CCDC60: variants seen among roughly 807,000 people sequenced by gnomAD.
CCDC60 encodes coiled-coil domain-containing protein 60.
A neutral mutation model predicts 63.5 loss-of-function variants in CCDC60; 54 were observed. The observed-to-expected ratio is 0.85, with a 90% CI of 0.68 to 1.07. The LOEUF is 1.07. Among genes scored for constraint, CCDC60 ranks in the 50% least tolerant of loss-of-function variants. The pLI is 0.00. For missense variants in CCDC60, 651 were observed against 684.3 expected (o/e 0.95, Z 0.54); for synonymous variants, 206 against 238.8 (o/e 0.86, Z 1.27).
At chr12:119,343,685 T>C (rs1317829299) in intron 1 of CCDC60, among the ~76,000 whole-genome samples, 1 of 148,816 alleles carries the variant, frequency 6.7e-6, no homozygotes, top group African/African-American at 2.5e-5. Context: ...TATATATATA[T>C]GTATATATAA....
chr12:119,527,999 G>T (rs1197999678), intron 11 of CCDC60, among the ~76,000 whole-genome samples: 1 of 151,864 alleles, frequency 6.6e-6, no homozygotes, highest in Admixed American at 6.6e-5. Flanking sequence ...ATGACCCAAA[G>T]GATAAAATTC....
At chr12:119,523,598 G>A in intron 10 of CCDC60, 95 bp from the exon 11 acceptor site, 2 of 1,552,638 alleles carry the variant, frequency 1.3e-6, no homozygotes, top group East Asian at 2.3e-5. Context: ...CCCATGCAGA[G>A]CACCTTGGGG....
intron 1 of CCDC60, among the ~76,000 whole-genome samples, chr12:119,349,376 C>T (rs1026044682): frequency 7.1e-6 from 1 of 139,910 alleles, no homozygotes; most frequent in Non-Finnish European, 1.5e-5. Context: ...GACAGAGTCT[C>T]TCTCTGTTGC....
At chr12:119,336,099 TG>T (rs1184635346) in intron 1 of CCDC60, among the ~76,000 whole-genome samples, 2 of 56,046 alleles carry the variant, frequency 3.6e-5, no homozygotes, top group African/African-American at 1.5e-4. Flanking sequence ...TGTTGTGGGG[TG>T]GGGGGAGGGG....
At chr12:119,483,784 T>C (rs1360660576) in intron 4 of CCDC60, among the ~76,000 whole-genome samples, 2 of 152,242 alleles carry the variant, frequency 1.3e-5, no homozygotes, top group African/African-American at 4.8e-5. Flanking sequence ...AGGCTTTGTG[T>C]AACCCTGTTC....
chr12:119,434,710 A>G (rs768539977), intron 2 of CCDC60, among the ~76,000 whole-genome samples: 6 of 152,216 alleles, frequency 3.9e-5, no homozygotes, highest in Non-Finnish European at 8.8e-5. Context: ...AGAGAACAAT[A>G]AATGAATGGG....
chr12:119,436,410 G>T (rs1272896018), intron 2 of CCDC60, among the ~76,000 whole-genome samples: 1 of 152,066 alleles, frequency 6.6e-6, no homozygotes, highest in Non-Finnish European at 1.5e-5. Context: ...GGAGCCAGAG[G>T]TTCCAGGGAA....
intron 1 of CCDC60, among the ~76,000 whole-genome samples, chr12:119,363,423 C>CTGTGTGTGTGTGTGTGTGTGTGTGTGTG (rs5801335): frequency 6.6e-6 from 1 of 150,554 alleles, no homozygotes; most frequent in African/African-American, 2.4e-5. Flanking sequence ...TATGAGTCCT[C>CTGTGTGTGTGTGTGTGTGTGTGTGTGTG]TGTGTGTGTG....
rs79184800 is a variant in CCDC60 at position 119,440,663 on chromosome 12, G to A, written c.170+11901G>A. Among the ~76,000 whole-genome samples the A allele has an allele frequency of 7.5e-3, 1,140 of 152,250 alleles. 8 individuals carry two copies. Among genetic ancestry groups the A allele is most frequent in the Non-Finnish European group, 0.011 (770 of 68,024 alleles). On this transcript the variant is annotated intron_variant, in intron 2 of 13. Coordinates refer to ENST00000327554, the MANE Select transcript of CCDC60 (RefSeq NM_178499.5). ...GGAAGTTTGTGTGCAGGGGTTTACC[G>A]GGAAGTAGTCTCAGGATCGACACCT...
intron 2 of CCDC60, among the ~76,000 whole-genome samples, chr12:119,441,885 ATACT>A (rs1405207822): frequency 6.6e-6 from 1 of 152,186 alleles, no homozygotes; most frequent in African/African-American, 2.4e-5. Flanking sequence ...ACATATGTAC[ATACT>A]TCTTTTCAGA....
chr12:119,383,795 A>G (rs960605824), intron 1 of CCDC60, among the ~76,000 whole-genome samples: 6 of 152,144 alleles, frequency 3.9e-5, no homozygotes, highest in Non-Finnish European at 8.8e-5. Context: ...AACACAAGAG[A>G]CCTTCAAGAG....
At chr12:119,396,888 G>A (rs1956265451) in intron 1 of CCDC60, among the ~76,000 whole-genome samples, 1 of 152,216 alleles carries the variant, frequency 6.6e-6, no homozygotes, top group African/African-American at 2.4e-5. Flanking sequence ...CAAGAATGAA[G>A]TCACGGACCC....
intron 1 of CCDC60, among the ~76,000 whole-genome samples, chr12:119,336,234 T>TA (rs1955469701): frequency 6.7e-6 from 1 of 150,044 alleles, no homozygotes. Context: ...CCCTAAAACT[T>TA]AAAGTATAAT....
At chr12:119,414,469 G>T (rs951589803) in intron 1 of CCDC60, among the ~76,000 whole-genome samples, 1 of 152,220 alleles carries the variant, frequency 6.6e-6, no homozygotes, top group African/African-American at 2.4e-5. Context: ...CCAGTTCAAA[G>T]GATGGGAAGA....
At chr12:119,519,754 C>T (rs888593409) in intron 8 of CCDC60, among the ~76,000 whole-genome samples, 1 of 151,870 alleles carries the variant, frequency 6.6e-6, no homozygotes, top group Non-Finnish European at 1.5e-5. Context: ...TGAACCATGA[C>T]GCCTGGCCAG....
chr12:119,371,169 A>G (rs1246278947), intron 1 of CCDC60, among the ~76,000 whole-genome samples: 1 of 152,182 alleles, frequency 6.6e-6, no homozygotes, highest in Non-Finnish European at 1.5e-5. Flanking sequence ...TCATTAAACC[A>G]CCATCACTGG....
chr12:119,500,504 C>T (rs893003046), intron 6 of CCDC60, among the ~76,000 whole-genome samples: 1 of 151,582 alleles, frequency 6.6e-6, no homozygotes, highest in Non-Finnish European at 1.5e-5. Context: ...CTCCTTCTCC[C>T]TCCCTCCCTC....
chr12:119,505,268 C>T lies in CCDC60; in HGVS notation c.848C>T (p.Ser283Phe), dbSNP rs1231708762. 1.2e-6 allele frequency: 2 copies of T among 1,612,154 alleles called. No homozygotes were observed. The highest frequency in any genetic ancestry group is 1.1e-5 in the South Asian group (1 of 91,076). The change falls in exon 7 of 14, where the codon TCT becomes TTT. Residue 283 changes from serine to phenylalanine, a missense_variant. Ser to Phe is a radical substitution (Grantham distance 155, BLOSUM62 -2). Transcript: ENST00000327554. ...AAGGACATTGAGGACAATGAGTCAT[C>T]TTCAACCAAGCCAGATGAAGAACCT... The part of the protein sequence containing the change: ...SSKDIEDNES[S>F]STKPDEEPLY...
chr12:119,463,046 A>C (rs1950888096), intron 2 of CCDC60, among the ~76,000 whole-genome samples: 1 of 151,792 alleles, frequency 6.6e-6, no homozygotes, highest in African/African-American at 2.4e-5. Flanking sequence ...CTGGTCTCGA[A>C]CTCCTGACCT....
Sources: gnomAD v4.1 joint callset for allele counts (sites outside exome capture counted in the v4.1 genomes callset) on GRCh38, gnomAD v4.1.1 for gene constraint, MANE v1.5 for transcripts, NCBI Gene and HGNC (gene_info 2026-07-23, HGNC 2026-07-21) for gene names.